Variants in CREB3L2 observed in about 807,000 individuals in gnomAD.
CREB3L2 encodes cAMP responsive element binding protein 3 like 2, also known as cyclic AMP-responsive element-binding protein 3-like protein 2.
A neutral mutation model predicts 57.2 loss-of-function variants in CREB3L2; 23 were observed. The ratio of observed to expected loss-of-function variants is 0.40; its 90% confidence interval spans 0.29 to 0.57. The LOEUF is 0.57. Among genes scored for constraint, CREB3L2 ranks in the 20% least tolerant of loss-of-function variants. The pLI is 0.42. For synonymous variants in CREB3L2, 268 were observed against 265.1 expected (o/e 1.01, Z -0.11); for missense variants, 628 against 634.7 (o/e 0.99, Z 0.11).
rs1449983541 is a variant in CREB3L2 at position 138,001,896 on chromosome 7, G to C, written c.-191C>G. On this transcript the variant is annotated 5_prime_UTR_variant, in exon 1 of 12. Transcript: ENST00000330387. The surrounding 1 kb of genome is among the most constrained non-coding windows in gnomAD (Gnocchi z 4.2). Reference sequence around the variant, plus strand: ...GAGGATGGCCAAGCGCTCCCGTCCGGTGTCCTCGGAGATCCGAGAATCCCC... The same window carrying C: ...GAGGATGGCCAAGCGCTCCCGTCCGCTGTCCTCGGAGATCCGAGAATCCCC... 8.5e-6 allele frequency: 4 copies of C among 468,252 alleles called. No individual in the cohort carries two copies. The highest frequency in any genetic ancestry group is 1.5e-5 in the Non-Finnish European group (4 of 262,910). The allele number at this position is 468,252 out of a possible 1,614,324, so 29.0% of individuals were successfully genotyped here.
At chr7:137,953,744 G>A (rs1585654608) in intron 1 of CREB3L2, among the ~76,000 whole-genome samples, 2 of 152,198 alleles carry the variant, frequency 1.3e-5, no homozygotes, top group East Asian at 3.8e-4. Context: ...CTGTTTTCAT[G>A]ATGGTTTCTA....
intron 1 of CREB3L2, among the ~76,000 whole-genome samples, chr7:137,977,668 C>T (rs1801632483): frequency 6.6e-6 from 1 of 152,150 alleles, no homozygotes; most frequent in East Asian, 1.9e-4. Context: ...TGCCTGTACG[C>T]CCAGCACTTT....
intron 1 of CREB3L2, among the ~76,000 whole-genome samples, chr7:137,995,274 A>G (rs1038819455): frequency 6.6e-6 from 1 of 150,794 alleles, no homozygotes; most frequent in Non-Finnish European, 1.5e-5. Flanking sequence ...ACCAAGGTCC[A>G]TTGAGGAACT....
chr7:138,002,068 C>T lies in CREB3L2; in HGVS notation c.-363G>A. 1 of 283,080 alleles carries T rather than the reference C, an allele frequency of 3.5e-6. No homozygotes were observed. Among genetic ancestry groups the T allele is most frequent in the South Asian group, 8.0e-5 (1 of 12,448 alleles). The allele number at this position is 283,080 out of a possible 1,614,324, so 17.5% of individuals were successfully genotyped here. Reference sequence around the variant, plus strand: ...GCTCCAGACACAAACTTTGAGGGACCCCAGGGCTCCTCGGCTCTGCTCCAG... The same window carrying T: ...GCTCCAGACACAAACTTTGAGGGACTCCAGGGCTCCTCGGCTCTGCTCCAG... On this transcript the variant is annotated 5_prime_UTR_variant, in exon 1 of 12. Coordinates refer to ENST00000330387, the MANE Select transcript of CREB3L2 (RefSeq NM_194071.4).
intron 2 of CREB3L2, among the ~76,000 whole-genome samples, chr7:137,917,954 C>T (rs754060445): frequency 5.3e-5 from 8 of 152,152 alleles, no homozygotes; most frequent in Middle Eastern, 3.4e-3. Flanking sequence ...TCTCTGATGG[C>T]GGCCAGAGGA....
chr7:137,918,294 G>A (rs964890380), intron 2 of CREB3L2, among the ~76,000 whole-genome samples: 5 of 152,212 alleles, frequency 3.3e-5, no homozygotes, highest in Non-Finnish European at 4.4e-5. Context: ...GGATTCAAGC[G>A]ATTCTCCTGC....
Position 137,947,567 on chromosome 7 carries a change from A to C in CREB3L2, c.103-19201T>G, listed in dbSNP as rs141076414. On this transcript the variant is annotated intron_variant, in intron 1 of 11. Transcript: ENST00000330387. ...TCCCGCCATTTGCCCCCCTTGGCTC[A>C]CTCCTTTAGAAAAGGAAGTCAGACT... Among the ~76,000 whole-genome samples, 12 of 151,970 alleles carry C rather than the reference A, an allele frequency of 7.9e-5. No homozygotes were observed. In the East Asian group the frequency reaches 2.3e-3, roughly 30 times the overall value.
rs1020994951 is a variant in CREB3L2, at chr7:137,880,270, C to T, written c.*206G>A. On this transcript the variant is annotated 3_prime_UTR_variant, in exon 12 of 12. Coordinates refer to ENST00000330387, the MANE Select transcript of CREB3L2 (RefSeq NM_194071.4). The surrounding 1 kb of genome is among the most constrained non-coding windows in gnomAD (Gnocchi z 4.0). ...AGAGAAAGGAAGGGAGGGATGCAGG[C>T]TCCCTTCTGCACAGGAGGGGCATGG... The T allele has an allele frequency of 3.5e-6, 2 of 576,994 alleles. No homozygotes were observed. The highest frequency in any genetic ancestry group is 6.3e-6 in the Non-Finnish European group (2 of 318,246). 35.7% of individuals were successfully genotyped at this position (576,994 alleles called of 1,614,324 possible). A position where few individuals can be genotyped will look rare whatever the true frequency, so the allele number is the denominator to read the frequency against.
chr7:137,894,606 C>A (rs1243812217), intron 8 of CREB3L2, among the ~76,000 whole-genome samples: 2 of 152,162 alleles, frequency 1.3e-5, no homozygotes, highest in Non-Finnish European at 2.9e-5. Flanking sequence ...TGAGCTAAGA[C>A]CTTTGGACAG....
At chr7:137,969,761 A>AACACACAC (rs66931280) in intron 1 of CREB3L2, among the ~76,000 whole-genome samples, 1,740 of 103,636 alleles carry the variant, frequency 0.017, 39 homozygotes, top group African/African-American at 0.047. Flanking sequence ...AGGGTCATCA[A>AACACACAC]ACACACACAC....
chr7:137,885,331 G>A, intron 9 of CREB3L2, 72 bp downstream of exon 9: 2 of 1,362,876 alleles, frequency 1.5e-6, no homozygotes, highest in Non-Finnish European at 1.0e-6. Flanking sequence ...CTTGGCCTTG[G>A]CAAGTGGAGG....
intron 1 of CREB3L2, among the ~76,000 whole-genome samples, chr7:137,985,964 A>G (rs980705124): frequency 3.9e-5 from 6 of 152,242 alleles, no homozygotes; most frequent in African/African-American, 1.4e-4. Context: ...TTCAGAATGC[A>G]GCAAAAATTT....
At chr7:137,943,179 C>T (rs1004957522) in intron 1 of CREB3L2, among the ~76,000 whole-genome samples, 3 of 152,168 alleles carry the variant, frequency 2.0e-5, no homozygotes, top group Non-Finnish European at 4.4e-5. Flanking sequence ...GGCAGTCTCC[C>T]AGGCCCCCTG....
intron 1 of CREB3L2, among the ~76,000 whole-genome samples, chr7:137,983,754 C>T (rs1047863279): frequency 4.6e-5 from 7 of 152,192 alleles, no homozygotes; most frequent in East Asian, 1.9e-4. Context: ...TTGTTCTGTC[C>T]GCCCTACTAG....
In CREB3L2 at chr7:137,922,586, T is replaced by C. The variant is rs754191796; in HGVS notation, c.319+5564A>G. On this transcript the variant is annotated intron_variant, in intron 2 of 11. Coordinates refer to ENST00000330387, the MANE Select transcript of CREB3L2 (RefSeq NM_194071.4). ...GGGAAATCAGATGACGTACTACCAC[T>C]TACATGAGAAAAACACATACGCAGT... 24 of 437,004 alleles carry C rather than the reference T, an allele frequency of 5.5e-5. No individual in the cohort carries two copies. In the East Asian group the frequency reaches 1.7e-3, roughly 31 times the overall value. The allele number at this position is 437,004 out of a possible 1,614,324, so 27.1% of individuals were successfully genotyped here.
At chr7:137,887,284 C>T (rs2117179520) in intron 8 of CREB3L2, among the ~76,000 whole-genome samples, 1 of 152,284 alleles carries the variant, frequency 6.6e-6, no homozygotes, top group East Asian at 1.9e-4. Context: ...GAAACAAGTT[C>T]TCCCAATTTG....
At chr7:137,994,289 G>A (rs904829550) in intron 1 of CREB3L2, among the ~76,000 whole-genome samples, 2 of 152,336 alleles carry the variant, frequency 1.3e-5, no homozygotes, top group Middle Eastern at 3.4e-3. Flanking sequence ...GCTGCAGACA[G>A]GCACATGTGC....
chr7:137,934,249 T>C (rs769455611), intron 1 of CREB3L2, among the ~76,000 whole-genome samples: 1 of 152,196 alleles, frequency 6.6e-6, no homozygotes, highest in Non-Finnish European at 1.5e-5. Context: ...TCAAATTGAC[T>C]GAATTTTTTT....
chr7:137,936,433 G>A (rs1585642263), intron 1 of CREB3L2, among the ~76,000 whole-genome samples: 2 of 152,280 alleles, frequency 1.3e-5, no homozygotes. Flanking sequence ...TTCCTTACCT[G>A]TAAACCTCTG....
Sources: gnomAD v4.1 joint callset for allele counts (sites outside exome capture counted in the v4.1 genomes callset) on GRCh38, gnomAD v4.1.1 for gene constraint, Gnocchi (gnomAD v3.1) non-coding constraint, MANE v1.5 for transcripts, NCBI Gene and HGNC (gene_info 2026-07-23, HGNC 2026-07-21) for gene names.